The following PCDH15 variants were observed in gnomAD, a reference collection of about 807,000 sequenced individuals.
The protein encoded by PCDH15 is protocadherin-15.
PCDH15 carries 129 observed loss-of-function variants against 178.5 expected under a neutral mutation model. The observed-to-expected ratio is 0.72, with a 90% confidence interval of 0.63 to 0.84. PCDH15 has a LOEUF of 0.84. Among genes scored for constraint, PCDH15 ranks in the 40% least tolerant of loss-of-function variants. PCDH15 has a pLI of 0.00. For synonymous variants in PCDH15, 800 were observed against 732.0 expected (o/e 1.09, Z -1.50); for missense variants, 2,230 against 2,099.9 (o/e 1.06, Z -1.21).
chr10:53,898,143 T>G (rs1208429489), intron 26 of PCDH15, among the ~76,000 whole-genome samples: 1 of 73,802 alleles, frequency 1.4e-5, no homozygotes, highest in Non-Finnish European at 2.3e-5. Flanking sequence ...ATTTTTTGTA[T>G]TTTTAGTAGA....
intron 15 of PCDH15, among the ~76,000 whole-genome samples, chr10:54,099,498 C>CAAAAAAAAAAAAA (rs755057091): frequency 8.0e-5 from 4 of 49,966 alleles, no homozygotes; most frequent in Admixed American, 2.6e-4. Flanking sequence ...GACTCCATCT[C>CAAAAAAAAAAAAA]AAAAAAAAAA....
At chr10:54,236,276 T>C (rs1206221791) in intron 9 of PCDH15, among the ~76,000 whole-genome samples, 2 of 152,158 alleles carry the variant, frequency 1.3e-5, no homozygotes, top group Non-Finnish European at 2.9e-5. Flanking sequence ...ATTAGTAGTA[T>C]ATGCATAGGG....
At chr10:55,073,040 A>G (rs922435067) in intron 2 of PCDH15, among the ~76,000 whole-genome samples, 16 of 152,222 alleles carry the variant, frequency 1.1e-4, no homozygotes, top group Admixed American at 3.9e-4. Context: ...CTTTGACAAA[A>G]TTCAACAACT....
chr10:54,260,845 C>G (rs1464968754), intron 8 of PCDH15, among the ~76,000 whole-genome samples: 2 of 152,130 alleles, frequency 1.3e-5, no homozygotes, highest in South Asian at 2.1e-4. Flanking sequence ...TTTGGCCAGG[C>G]TGGTCTTGAA....
intron 2 of PCDH15, among the ~76,000 whole-genome samples, chr10:55,520,838 G>A (rs1045423005): frequency 2.0e-5 from 3 of 151,742 alleles, no homozygotes; most frequent in African/African-American, 7.3e-5. Flanking sequence ...AACAAAATGT[G>A]TATATATTTA....
At chr10:53,852,799 G>A (rs562478596) in intron 28 of PCDH15, among the ~76,000 whole-genome samples, 277 of 151,954 alleles carry the variant, frequency 1.8e-3, no homozygotes, top group Non-Finnish European at 3.3e-3. Context: ...CCACTTCATC[G>A]GATAGGGATG....
chr10:55,506,762 C>T (rs1261397922), intron 2 of PCDH15, among the ~76,000 whole-genome samples: 1 of 151,542 alleles, frequency 6.6e-6, no homozygotes, highest in East Asian at 1.9e-4. Context: ...CTCACATACA[C>T]TTTGATATTG....
At chr10:55,401,687 A>G (rs935404959) in intron 2 of PCDH15, among the ~76,000 whole-genome samples, 1 of 151,294 alleles carries the variant, frequency 6.6e-6, no homozygotes, top group African/African-American at 2.4e-5. Flanking sequence ...GCTGTGTTAA[A>G]TAGATAATGC....
intron 1 of PCDH15, among the ~76,000 whole-genome samples, chr10:54,683,268 G>A (rs2135689247): frequency 6.6e-6 from 1 of 151,816 alleles, no homozygotes; most frequent in South Asian, 2.1e-4. Context: ...TTGTTGTGTA[G>A]CCATCACCAC....
In PCDH15 at chr10:55,331,704, T is replaced by C. The variant is rs150348029; in HGVS notation, c.-155-165053A>G. Among the ~76,000 whole-genome samples, 64 of 152,246 alleles carry C rather than the reference T, an allele frequency of 4.2e-4. No individual in the cohort carries two copies. The East Asian group carries it at 0.012, about 28-fold the overall frequency. On this transcript the variant is annotated intron_variant, in intron 2 of 5. Transcript: ENST00000613346. The stretch of plus-strand genomic sequence containing the variant: ...GGCTGTATATTTACCTCTATTCTGC[T>C]ACTCACAAATGGTCTGAAAGAGTGG...
chr10:55,025,484 A>C (rs1228561705), intron 2 of PCDH15, among the ~76,000 whole-genome samples: 2 of 152,096 alleles, frequency 1.3e-5, no homozygotes, highest in African/African-American at 4.8e-5. Flanking sequence ...ATTCTTTAAA[A>C]CCATATGACA....
intron 15 of PCDH15, among the ~76,000 whole-genome samples, chr10:54,110,434 C>A (rs2094997980): frequency 6.6e-6 from 1 of 151,796 alleles, no homozygotes; most frequent in African/African-American, 2.4e-5. Context: ...ATAAACAGGT[C>A]TTTTTAGCCT....
At chr10:53,924,310 G>A (rs933502826) in intron 25 of PCDH15, among the ~76,000 whole-genome samples, 2 of 152,234 alleles carry the variant, frequency 1.3e-5, no homozygotes, top group Admixed American at 6.5e-5. Context: ...AGGCAGTGAG[G>A]GGCTTAGCAC....
intron 17 of PCDH15, among the ~76,000 whole-genome samples, chr10:54,069,106 A>G (rs2094192847): frequency 6.6e-6 from 1 of 152,184 alleles, no homozygotes; most frequent in Non-Finnish European, 1.5e-5. Flanking sequence ...AGTAAAGAAG[A>G]TGTGTTTTTT....
intron 21 of PCDH15, among the ~76,000 whole-genome samples, chr10:53,973,613 G>A (rs1247294612): frequency 1.3e-5 from 2 of 151,876 alleles, no homozygotes; most frequent in Admixed American, 6.6e-5. Context: ...TACTTTTTTG[G>A]TTCCGTACTC....
chr10:55,487,498 C>T (rs1840320767), intron 2 of PCDH15, among the ~76,000 whole-genome samples: 1 of 151,656 alleles, frequency 6.6e-6, no homozygotes, highest in Admixed American at 6.6e-5. Flanking sequence ...CCTTCATTCT[C>T]TACCTCTCAT....
intron 2 of PCDH15, among the ~76,000 whole-genome samples, chr10:54,908,212 G>C (rs1361373137): frequency 6.6e-6 from 1 of 152,214 alleles, no homozygotes; most frequent in Non-Finnish European, 1.5e-5. Context: ...CTGGCCCAGA[G>C]TGGCAAGGGG....
In PCDH15 at chr10:55,580,308, A is replaced by G. The variant is rs4565814; in HGVS notation, c.-156+47317T>C. On this transcript the variant is annotated intron_variant, in intron 2 of 5. Transcript: ENST00000613346. ...TTATTCATATAACTCACCCATATCC[A>G]ATGGCTTCTAAATATATGGCTATAT... Among the ~76,000 whole-genome samples the G allele has an allele frequency of 2.1e-3, 318 of 151,786 alleles. 1 individual carries two copies. Among genetic ancestry groups the G allele is most frequent in the Admixed American group, 3.4e-3 (51 of 15,218 alleles).
chr10:55,490,097 G>T (rs1310996292), intron 2 of PCDH15, among the ~76,000 whole-genome samples: 2 of 151,676 alleles, frequency 1.3e-5, no homozygotes, highest in Non-Finnish European at 2.9e-5. Flanking sequence ...ACAACAAGCA[G>T]CAGAGGACTG....
Sources: allele counts gnomAD v4.1 joint callset (sites outside exome capture counted in the v4.1 genomes callset), GRCh38; gene constraint gnomAD v4.1.1; transcripts MANE v1.5; gene names NCBI Gene and HGNC (gene_info 2026-07-23, HGNC 2026-07-21).